Variants in TBC1D4 observed in about 807,000 individuals in gnomAD.
TBC1D4 encodes TBC1 domain family member 4, also known as TBC (Tre-2, BUB2, CDC16) domain-containing protein.
Under a neutral mutation model 142.5 loss-of-function variants are expected in TBC1D4, and 121 were observed. The ratio of observed to expected loss-of-function variants is 0.85; its 90% CI spans 0.73 to 0.99. TBC1D4 has a LOEUF of 0.99. TBC1D4 is among the 50% of genes least tolerant of loss of function. The pLI is 0.00. For missense variants in TBC1D4, 1,475 were observed against 1,606.6 expected (o/e 0.92, Z 1.40); for synonymous variants, 630 against 628.2 (o/e 1.00, Z -0.04).
At chr13:75,295,205 G>C (rs1458253232) in intron 17 of TBC1D4, among the ~76,000 whole-genome samples, 192 bp from the exon 18 acceptor site, 5 of 152,264 alleles carry the variant, frequency 3.3e-5, no homozygotes, top group African/African-American at 1.2e-4. Flanking sequence ...GCAAGTCACT[G>C]AAAGTCTATC....
At chr13:75,480,514 T>G (rs1888794432) in intron 1 of TBC1D4, among the ~76,000 whole-genome samples, 1 of 152,146 alleles carries the variant, frequency 6.6e-6, no homozygotes, top group Non-Finnish European at 1.5e-5. Flanking sequence ...GTAATTAGAT[T>G]TAGAAGACTC....
At chr13:75,402,046 C>T (rs1885117962) in intron 1 of TBC1D4, among the ~76,000 whole-genome samples, 1 of 152,108 alleles carries the variant, frequency 6.6e-6, no homozygotes, top group Non-Finnish European at 1.5e-5. Context: ...TAATGCAAAG[C>T]TGTATTAACT....
intron 1 of TBC1D4, among the ~76,000 whole-genome samples, chr13:75,409,923 T>A (rs567761385): frequency 6.6e-6 from 1 of 152,326 alleles, no homozygotes; most frequent in African/African-American, 2.4e-5. Context: ...AATCCAAAAT[T>A]TCTTTCAAAT....
chr13:75,349,427 A>G, intron 4 of TBC1D4, 125 bp from the exon 5 acceptor site: 2 of 1,291,798 alleles, frequency 1.5e-6, no homozygotes, highest in Non-Finnish European at 2.2e-6. Flanking sequence ...TGATGACTAG[A>G]GAGTTAGCCG....
intron 12 of TBC1D4, among the ~76,000 whole-genome samples, chr13:75,314,360 C>T (rs1354440884): frequency 6.6e-6 from 1 of 152,138 alleles, no homozygotes; most frequent in Admixed American, 6.6e-5. Context: ...CTCTCAGATA[C>T]TCAAAGGAAC....
intron 1 of TBC1D4, among the ~76,000 whole-genome samples, chr13:75,390,831 T>C (rs1250723623): frequency 9.3e-6 from 1 of 107,370 alleles, no homozygotes; most frequent in Non-Finnish European, 1.7e-5. Context: ...GATGGATAGA[T>C]AGATAAGGAA....
intron 1 of TBC1D4, among the ~76,000 whole-genome samples, chr13:75,373,154 G>T (rs1883310808): frequency 6.6e-6 from 1 of 152,156 alleles, no homozygotes; most frequent in Non-Finnish European, 1.5e-5. Flanking sequence ...AACTCTAGCT[G>T]AGATCAGTAG....
chr13:75,409,317 A>G (rs2138386736), intron 1 of TBC1D4, among the ~76,000 whole-genome samples: 1 of 152,308 alleles, frequency 6.6e-6, no homozygotes, highest in East Asian at 1.9e-4. Flanking sequence ...CTACAACAAA[A>G]CCTTTTCTAA....
rs559972730 is a variant in TBC1D4, at chr13:75,362,472, C to A, written c.634G>T (p.Val212Leu). 1 of 1,614,204 alleles carries A rather than the reference C, an allele frequency of 6.2e-7. No homozygotes were observed. Among genetic ancestry groups the A allele is most frequent in the African/African-American group, 1.3e-5 (1 of 75,054 alleles). ...CTTGAGGGGGCCTTCTTGTGGGTCACGGTCACCTTTCCACAGTACAGGACT... is the reference window on the plus strand; with the variant it reads ...CTTGAGGGGGCCTTCTTGTGGGTCAAGGTCACCTTTCCACAGTACAGGACT... ...FEVLYCGKVT[V>L]THKKAPSSLI... Residue 212 changes from valine (V) to leucine (L), a missense_variant, in exon 2 of 21, where the codon GTG becomes TTG. By Grantham distance (32) the Val-to-Leu change is conservative. Transcript: ENST00000377636. This position sits in a 1 kb window ranked among gnomAD's most constrained non-coding sequence, Gnocchi z 4.2.
At chr13:75,347,027 C>T (rs564586902) in intron 5 of TBC1D4, among the ~76,000 whole-genome samples, 20 of 152,218 alleles carry the variant, frequency 1.3e-4, no homozygotes, top group African/African-American at 4.6e-4. Flanking sequence ...TCTGTACTTA[C>T]ATAAAAGTTT....
chr13:75,361,905 G>A (rs1381781560), intron 2 of TBC1D4, 121 bp downstream of exon 2: 5 of 1,241,200 alleles, frequency 4.0e-6, no homozygotes, highest in East Asian at 2.4e-5. Context: ...CTTTGAAGGG[G>A]AAAACAAATA....
chr13:75,434,644 T>C (rs1886724700), intron 1 of TBC1D4, among the ~76,000 whole-genome samples: 1 of 151,406 alleles, frequency 6.6e-6, no homozygotes, highest in African/African-American at 2.4e-5. Flanking sequence ...AAACCGAAAA[T>C]AAAAGTTAAC....
At chr13:75,464,305 G>T (rs1208083375) in intron 1 of TBC1D4, among the ~76,000 whole-genome samples, 2 of 152,176 alleles carry the variant, frequency 1.3e-5, no homozygotes, top group Non-Finnish European at 2.9e-5. Context: ...TGGGTTTACC[G>T]GAACGAGGGC....
chr13:75,430,157 A>C (rs1174601042), intron 1 of TBC1D4, among the ~76,000 whole-genome samples: 2 of 152,200 alleles, frequency 1.3e-5, no homozygotes, highest in Admixed American at 1.3e-4. Flanking sequence ...TATTCTCACA[A>C]TATCTGTAGC....
At chr13:75,298,747 C>T (rs1876210245) in intron 17 of TBC1D4, among the ~76,000 whole-genome samples, 1 of 151,368 alleles carries the variant, frequency 6.6e-6, no homozygotes, top group African/African-American at 2.4e-5. Context: ...AGCAAGATTC[C>T]ATCACACACA....
chr13:75,417,273 CA>C (rs1054295059), intron 1 of TBC1D4, among the ~76,000 whole-genome samples: 1 of 152,058 alleles, frequency 6.6e-6, no homozygotes, highest in African/African-American at 2.4e-5. Context: ...TTCTACTTCC[CA>C]AATCTCCTTC....
chr13:75,327,509 C>T (rs1229431676), intron 9 of TBC1D4, among the ~76,000 whole-genome samples: 1 of 152,172 alleles, frequency 6.6e-6, no homozygotes, highest in Non-Finnish European at 1.5e-5. Flanking sequence ...TGCTCAAATA[C>T]TGTTGTCCAA....
At chr13:75,369,266 G>A (rs534393980) in intron 1 of TBC1D4, among the ~76,000 whole-genome samples, 1 of 152,264 alleles carries the variant, frequency 6.6e-6, no homozygotes, top group African/African-American at 2.4e-5. Context: ...GGCCAAGGCA[G>A]GAGAACTGCT....
chr13:75,450,912 T>C lies in TBC1D4; in HGVS notation c.498+30358A>G, dbSNP rs78968058. Among the ~76,000 whole-genome samples, 367 of 152,188 alleles carry C rather than the reference T, an allele frequency of 2.4e-3. 2 individuals are homozygous for C. The highest frequency in any genetic ancestry group is 0.019 in the South Asian group (91 of 4,810). ...TAAACTATCAAGTGTAGTTTGAGGG[T>C]CCCACCATGAATAACAAAGATACTC... On this transcript the variant is annotated intron_variant, in intron 1 of 20. Transcript: ENST00000377636.
Sources: gnomAD v4.1 joint callset for allele counts (sites outside exome capture counted in the v4.1 genomes callset) on GRCh38, gnomAD v4.1.1 for gene constraint, Gnocchi (gnomAD v3.1) non-coding constraint, MANE v1.5 for transcripts, NCBI Gene and HGNC (gene_info 2026-07-23, HGNC 2026-07-21) for gene names.